IFIT1: variants seen among roughly 807,000 people sequenced by gnomAD.
IFIT1 encodes the protein antiviral innate immune response effector IFIT1.
A neutral mutation model predicts 2.5 loss-of-function variants in IFIT1; 1 was observed. The observed-to-expected ratio is 0.40, with a 90% CI of 0.14 to 1.92. IFIT1 has a LOEUF of 1.92. IFIT1 is among the 40% of genes most tolerant of loss of function. The pLI is 0.31. For missense variants in IFIT1, 508 were observed against 557.8 expected, an observed-to-expected ratio of 0.91 and a Z score of 0.90; for synonymous variants, 191 against 201.7, an observed-to-expected ratio of 0.95 and a Z score of 0.45.
chr10:89,392,787 C>T, intron 1 of IFIT1, 70 bp downstream of exon 1: 1 of 1,500,234 alleles, frequency 6.7e-7, no homozygotes, highest in Non-Finnish European at 9.3e-7. Flanking sequence ...AATACTATTT[C>T]AACAGGTTAG....
Position 89,403,240 on chromosome 10 carries a change from T to G in IFIT1, c.965T>G (p.Ile322Arg). 1 of 1,614,136 alleles carries G rather than the reference T, an allele frequency of 6.2e-7. No homozygotes were observed. The highest frequency in any genetic ancestry group is 8.5e-7 in the Non-Finnish European group (1 of 1,180,032). The change falls in exon 2 of 2, where the codon ATA becomes AGA. Residue 322 changes from isoleucine (I) to arginine (R), a missense_variant. Coordinates refer to ENST00000371804, the MANE Select transcript of IFIT1 (RefSeq NM_001548.5). ...AACAGAGAAAAGCTAGACAAAATGA[T>G]AAGATCAGCCATATTTCATTTTGAA... ...GQNREKLDKM[I>R]RSAIFHFESA... is the part of the protein sequence containing the mutation.
rs375726595 is a variant in IFIT1 at position 89,399,449 on chromosome 10, T to C, written c.6-2832T>C. Among the ~76,000 whole-genome samples the C allele has an allele frequency of 3.3e-4, 50 of 152,360 alleles. 1 individual carries two copies. In the South Asian group the frequency reaches 0.01, roughly 32 times the overall value. ...ATCATATCTAATGAATCACTGCCAA[T>C]TGCCAAATCCAATGTTACAAAGCTT... On this transcript the variant is annotated intron_variant, in intron 1 of 1. Coordinates refer to ENST00000371804, the MANE Select transcript of IFIT1 (RefSeq NM_001548.5).
chr10:89,402,427 G>A lies in IFIT1; in HGVS notation c.152G>A (p.Ser51Asn), dbSNP rs1351204669. 1 of 1,614,036 alleles carries A rather than the reference G, an allele frequency of 6.2e-7. No homozygotes were observed. Among genetic ancestry groups the A allele is most frequent in the African/African-American group, 1.3e-5 (1 of 74,894 alleles). ...DQIEFLDTKY[S>N]VGIHNLLAYV... is the part of the protein sequence containing the mutation. ...ATTGAATTCCTAGACACCAAATACA[G>A]TGTGGGAATACACAACCTACTAGCC... The change falls in exon 2 of 2, where the codon AGT becomes AAT. Residue 51 changes from serine to asparagine, a missense_variant. Coordinates refer to ENST00000371804, the MANE Select transcript of IFIT1 (RefSeq NM_001548.5).
intron 1 of IFIT1, among the ~76,000 whole-genome samples, chr10:89,397,223 A>G (rs1589635259): frequency 6.6e-6 from 1 of 151,960 alleles, no homozygotes; most frequent in African/African-American, 2.4e-5. Context: ...GTTGGTAATG[A>G]ATATTCTTGA....
rs765686956 is a variant in IFIT1, at chr10:89,393,167, C to T, written c.5+450C>T. The stretch of plus-strand genomic sequence containing the variant: ...AATGTGAAAGCCTCAGTCTTGCAGC[C>T]TCTCTGATGTCTTGTGGGTAATACA... On this transcript the variant is annotated intron_variant, in intron 1 of 1. Transcript: ENST00000371804. 4.0e-5 allele frequency: 51 copies of T among 1,290,770 alleles called. No homozygotes were observed. The South Asian group carries it at 4.6e-4, about 12-fold the overall frequency. The allele number at this position is 1,290,770 out of a possible 1,614,324, so 80.0% of individuals were successfully genotyped here. A position where few individuals can be genotyped will look rare whatever the true frequency, so the allele number is the denominator to read the frequency against.
chr10:89,398,325 C>T (rs929534088), intron 1 of IFIT1, among the ~76,000 whole-genome samples: 3 of 152,160 alleles, frequency 2.0e-5, no homozygotes, highest in African/African-American at 7.2e-5. Context: ...GCGTGATGTT[C>T]CCTGAAAGGG....
At chr10:89,401,790 G>GA (rs59639947) in intron 1 of IFIT1, among the ~76,000 whole-genome samples, 9 of 146,746 alleles carry the variant, frequency 6.1e-5, no homozygotes, top group Admixed American at 1.4e-4. Flanking sequence ...AAAAAAAAAT[G>GA]AAAAAAAAAA....
chr10:89,402,461 A>G lies in IFIT1; in HGVS notation c.186A>G (p.Lys62=). 1.1e-5 allele frequency: 17 copies of G among 1,614,220 alleles called. No individual in the cohort carries two copies. The highest frequency in any genetic ancestry group is 1.4e-5 in the Non-Finnish European group (16 of 1,180,032). ...VGIHNLLAYV[K]HLKGQNEEAL... The stretch of plus-strand genomic sequence containing the variant: ...TACACAACCTACTAGCCTATGTGAA[A>G]CACCTGAAAGGCCAGAATGAGGAAG... The change falls in exon 2 of 2, where the codon AAA becomes AAG. Residue 62 remains lysine (K), a synonymous_variant. Transcript: ENST00000371804.
At position 89,402,378 on chromosome 10, in the gene IFIT1, T is replaced by C. The variant is rs1037073166; in HGVS notation, c.103T>C (p.Leu35=). 6 of 1,614,046 alleles carry C rather than the reference T, an allele frequency of 3.7e-6. No homozygotes were observed. In the African/African-American group the frequency reaches 8.0e-5, roughly 22 times the overall value. The part of the protein sequence containing the change: ...LSIDDDEMPD[L]ENRVLDQIEF... ...CATTGATGACGATGAAATGCCTGAT[T>C]TAGAAAACAGAGTCTTGGATCAGAT... Residue 35 remains leucine (L), a synonymous_variant, in exon 2 of 2, where the codon TTA becomes CTA. Coordinates refer to ENST00000371804, the MANE Select transcript of IFIT1 (RefSeq NM_001548.5).
chr10:89,402,433 G>A lies in IFIT1; in HGVS notation c.158G>A (p.Gly53Glu). The A allele has an allele frequency of 6.2e-7, 1 of 1,614,172 alleles. No homozygotes were observed. The highest frequency in any genetic ancestry group is 8.5e-7 in the Non-Finnish European group (1 of 1,180,032). ...IEFLDTKYSV[G>E]IHNLLAYVKH... ...TTCCTAGACACCAAATACAGTGTGG[G>A]AATACACAACCTACTAGCCTATGTG... The change falls in exon 2 of 2, where the codon GGA becomes GAA. Residue 53 changes from glycine (G) to glutamate (E), a missense_variant. Coordinates refer to ENST00000371804, the MANE Select transcript of IFIT1 (RefSeq NM_001548.5).
chr10:89,393,311 T>C (rs763760137), intron 1 of IFIT1: 8 of 1,287,434 alleles, frequency 6.2e-6, no homozygotes, highest in Non-Finnish European at 8.1e-6. Context: ...GATAAACAGA[T>C]TGCCTCCTCC....
rs557616870 is a variant in IFIT1 at position 89,394,025 on chromosome 10, C to A, written c.5+1308C>A. On this transcript the variant is annotated intron_variant, in intron 1 of 1. Coordinates refer to ENST00000371804, the MANE Select transcript of IFIT1 (RefSeq NM_001548.5). ...TAATTCTCAAAAGATACTTATAAGG[C>A]AGGTACTTACACAGTCATGCATCGT... 1.9e-4 allele frequency among the ~76,000 whole-genome samples: 29 copies of A among 152,250 alleles called. 2 individuals carry two copies. The highest frequency in any genetic ancestry group is 3.4e-3 in the Middle Eastern group (1 of 294).
rs765556161 is a variant in IFIT1 at position 89,404,490 on chromosome 10, T to C, written c.*778T>C. The C allele has an allele frequency of 7.2e-5, 11 of 152,262 alleles. No homozygotes were observed. Among genetic ancestry groups the C allele is most frequent in the Non-Finnish European group, 1.2e-4 (8 of 68,048 alleles). The allele number at this position is 152,262 out of a possible 1,614,324, so 9.4% of individuals were successfully genotyped here. A position where few individuals can be genotyped will look rare whatever the true frequency, so the allele number is the denominator to read the frequency against. On this transcript the variant is annotated 3_prime_UTR_variant, in exon 2 of 2. Coordinates refer to ENST00000371804, the MANE Select transcript of IFIT1 (RefSeq NM_001548.5). The stretch of plus-strand genomic sequence containing the variant: ...GAACACAGAATGCATGTGACATACA[T>C]GTTTACATACCACTATTGTGTGACT...
chr10:89,402,431 G>A lies in IFIT1; in HGVS notation c.156G>A (p.Val52=). ...QIEFLDTKYS[V]GIHNLLAYVK... Reference sequence around the variant, plus strand: ...AATTCCTAGACACCAAATACAGTGTGGGAATACACAACCTACTAGCCTATG... The same window carrying A: ...AATTCCTAGACACCAAATACAGTGTAGGAATACACAACCTACTAGCCTATG... The change falls in exon 2 of 2, where the codon GTG becomes GTA. Residue 52 remains valine, a synonymous_variant. Coordinates refer to ENST00000371804, the MANE Select transcript of IFIT1 (RefSeq NM_001548.5). 1 of 1,614,162 alleles carries A rather than the reference G, an allele frequency of 6.2e-7. No individual in the cohort carries two copies. Among genetic ancestry groups the A allele is most frequent in the Non-Finnish European group, 8.5e-7 (1 of 1,180,034 alleles).
rs1293401966 is a variant in IFIT1, at chr10:89,403,737, C to T, written c.*25C>T. 2.5e-6 allele frequency: 3 copies of T among 1,210,688 alleles called. No individual in the cohort carries two copies. In the Admixed American group the frequency reaches 7.1e-5, roughly 29 times the overall value. The allele number at this position is 1,210,688 out of a possible 1,614,324, so 75.0% of individuals were successfully genotyped here. ...GGCACCCAGATATCAGCCACTTTCA[C>T]ATTTCATTTCATTTTATGCTAACAT... is the stretch of plus-strand genomic sequence containing the variant. On this transcript the variant is annotated 3_prime_UTR_variant, in exon 2 of 2. Transcript: ENST00000371804.
At chr10:89,399,593 A>G (rs927522557) in intron 1 of IFIT1, among the ~76,000 whole-genome samples, 30 of 104,654 alleles carry the variant, frequency 2.9e-4, no homozygotes, top group African/African-American at 1.7e-3. Flanking sequence ...TTCATCATAT[A>G]TCCAGCTTTC....
Sources: allele counts gnomAD v4.1 joint callset (sites outside exome capture counted in the v4.1 genomes callset), GRCh38; gene constraint gnomAD v4.1.1; transcripts MANE v1.5; gene names NCBI Gene and HGNC (gene_info 2026-07-23, HGNC 2026-07-21).